BCL9: variants seen among roughly 807,000 people sequenced by gnomAD.
BCL9 encodes the protein BCL9 transcription coactivator, also known as B-cell CLL/lymphoma 9 protein.
Under a neutral mutation model 88.5 loss-of-function variants are expected in BCL9, and 25 were observed. That is an observed-to-expected ratio of 0.28 (90% confidence interval 0.21 to 0.39). The LOEUF (loss-of-function observed/expected upper bound fraction) is 0.39. Among genes scored for constraint, BCL9 ranks in the 10% least tolerant of loss-of-function variants. The pLI, the probability that BCL9 is intolerant of heterozygous loss-of-function variation, is 1.00. For synonymous variants in BCL9, 711 were observed against 673.3 expected (o/e 1.06, Z -0.87); for missense variants, 1,817 against 1,877.8 (o/e 0.97, Z 0.60).
chr1:147,584,657 G>A (rs782558799), intron 1 of BCL9, among the ~76,000 whole-genome samples: 1 of 152,164 alleles, frequency 6.6e-6, no homozygotes, highest in Non-Finnish European at 1.5e-5. Flanking sequence ...TACAGACCCT[G>A]GCTGGATTTT....
rs1243489086 is a variant in BCL9, at chr1:147,626,187, G to C, written c.*1228G>C. 5.2e-6 allele frequency: 1 copy of C among 193,426 alleles called. No homozygotes were observed. Among genetic ancestry groups the C allele is most frequent in the Non-Finnish European group, 1.1e-5 (1 of 92,568 alleles). 12.0% of individuals were successfully genotyped at this position (193,426 alleles called of 1,614,324 possible). The stretch of plus-strand genomic sequence containing the variant: ...ACCACTCGCCAGAGCTGTGGTGTCA[G>C]AAAAATAAAATATATTGTTTCTTAC... On this transcript the variant is annotated 3_prime_UTR_variant, in exon 10 of 10. Transcript: ENST00000234739.
chr1:147,551,783 A>G (rs1371189858), intron 1 of BCL9, among the ~76,000 whole-genome samples: 1 of 152,316 alleles, frequency 6.6e-6, no homozygotes, highest in African/African-American at 2.4e-5. Context: ...TGGACTTTCC[A>G]GACTCTAGCA....
chr1:147,598,832 G>A (rs1657169913), intron 1 of BCL9, among the ~76,000 whole-genome samples: 1 of 152,316 alleles, frequency 6.6e-6, no homozygotes, highest in South Asian at 2.1e-4. Context: ...AGGGTGCAGA[G>A]CAGACAGATC....
intron 1 of BCL9, among the ~76,000 whole-genome samples, chr1:147,576,078 T>C (rs1280030553): frequency 3.3e-5 from 5 of 152,196 alleles, no homozygotes; most frequent in Admixed American, 2.0e-4. Flanking sequence ...AGAAACAGGC[T>C]AGATCAGAAT....
At chr1:147,574,002 C>T (rs1264512513) in intron 1 of BCL9, among the ~76,000 whole-genome samples, 3 of 152,088 alleles carry the variant, frequency 2.0e-5, no homozygotes, top group Non-Finnish European at 4.4e-5. Context: ...TTGAGGGCTA[C>T]TATGTGCCAA....
intron 1 of BCL9, among the ~76,000 whole-genome samples, chr1:147,552,183 A>G (rs1419464549): frequency 2.6e-5 from 4 of 152,354 alleles, no homozygotes; most frequent in African/African-American, 9.6e-5. Context: ...GGAACACTTC[A>G]TGAAGGAGAT....
rs587663770 is a variant in BCL9 at position 147,593,695 on chromosome 1, C to A, written c.-477-11082C>A. Among the ~76,000 whole-genome samples the A allele has an allele frequency of 6.6e-5, 10 of 152,108 alleles. No homozygotes were observed. The South Asian group carries it at 2.1e-3, about 32-fold the overall frequency. ...TTTTTTTTCTTATTAATGAATGAGC[C>A]CTCCATACAAATTTGATTATACTTT... On this transcript the variant is annotated intron_variant, in intron 1 of 9. Transcript: ENST00000234739.
intron 1 of BCL9, among the ~76,000 whole-genome samples, chr1:147,569,673 G>GA (rs1411243049): frequency 1 from 152,025 of 152,040 alleles, 76,005 homozygotes; most frequent in African/African-American, 1. Flanking sequence ...AGAAAAAGAA[G>GA]AAAAAAGAAA....
chr1:147,587,047 T>C (rs1656642824), intron 1 of BCL9, among the ~76,000 whole-genome samples: 1 of 151,784 alleles, frequency 6.6e-6, no homozygotes, highest in South Asian at 2.1e-4. Context: ...TATATATGTA[T>C]ATACATATCT....
In BCL9 at chr1:147,622,352, T is replaced by C. The variant is rs782590319; in HGVS notation, c.2984T>C (p.Met995Thr). The change falls in exon 9 of 10, where the codon ATG (methionine) becomes ACG (threonine). Residue 995 changes from methionine to threonine, a missense_variant. Physicochemically the swap from Met to Thr is moderately conservative, Grantham distance 81. Coordinates refer to ENST00000234739, the MANE Select transcript of BCL9 (RefSeq NM_004326.4). ...CTTCCCTCTAGTACACCTTATACCATGCCTCCAGAGCCAACCCTTTCCCAG... is the reference window on the plus strand; with the variant it reads ...CTTCCCTCTAGTACACCTTATACCACGCCTCCAGAGCCAACCCTTTCCCAG... ...GSLPSSTPYT[M>T]PPEPTLSQNP... The C allele has an allele frequency of 6.8e-6, 11 of 1,614,072 alleles. No homozygotes were observed. The highest frequency in any genetic ancestry group is 1.1e-5 in the South Asian group (1 of 91,084).
At chr1:147,599,830 T>C (rs1422142311) in intron 1 of BCL9, among the ~76,000 whole-genome samples, 2 of 67,668 alleles carry the variant, frequency 3.0e-5, no homozygotes, top group African/African-American at 6.0e-5. Flanking sequence ...TGCGGGAAGC[T>C]GGGGGCGGGA....
At chr1:147,599,493 CG>C (rs1394244345) in intron 1 of BCL9, among the ~76,000 whole-genome samples, 28,180 of 146,222 alleles carry the variant, frequency 0.19, 3,647 homozygotes, top group East Asian at 0.35. Flanking sequence ...CCTGGCCCCC[CG>C]CCCCCCTCGG....
At chr1:147,576,174 C>T (rs1452644116) in intron 1 of BCL9, among the ~76,000 whole-genome samples, 1 of 152,092 alleles carries the variant, frequency 6.6e-6, no homozygotes, top group Non-Finnish European at 1.5e-5. Context: ...AGAACCTTAA[C>T]AAGAATTTTT....
chr1:147,595,691 T>A (rs144901201), intron 1 of BCL9, among the ~76,000 whole-genome samples: 13 of 151,678 alleles, frequency 8.6e-5, no homozygotes, highest in Middle Eastern at 3.4e-3. Context: ...CTACAAAAAA[T>A]AAATAAATAA....
At chr1:147,586,520 A>C (rs141932289) in intron 1 of BCL9, among the ~76,000 whole-genome samples, 225 of 152,218 alleles carry the variant, frequency 1.5e-3, no homozygotes, top group African/African-American at 4.7e-3. Flanking sequence ...TCGCCTACTA[A>C]GCCACTGAAC....
At chr1:147,602,652 T>C (rs1657455517) in intron 1 of BCL9, among the ~76,000 whole-genome samples, 1 of 152,178 alleles carries the variant, frequency 6.6e-6, no homozygotes, top group African/African-American at 2.4e-5. Context: ...AAGATGATAA[T>C]GGTTTCAAAA....
Position 147,619,438 on chromosome 1 carries a change from C to T in BCL9, c.1283C>T (p.Ala428Val). The T allele has an allele frequency of 6.2e-7, 1 of 1,614,144 alleles. No individual in the cohort carries two copies. The highest frequency in any genetic ancestry group is 8.5e-7 in the Non-Finnish European group (1 of 1,180,032). The change falls in exon 8 of 10, where the codon GCT (alanine) becomes GTT (valine). Residue 428 changes from alanine (A) to valine (V), a missense_variant. Coordinates refer to ENST00000234739, the MANE Select transcript of BCL9 (RefSeq NM_004326.4). The surrounding 1 kb of genome is among the most constrained non-coding windows in gnomAD (Gnocchi z 4.1). ...CCTGGGCCCCGGACAGACGTGGGAG[C>T]TCCATTTGGCCCTCAAGGACATAGA... ...KGPGPRTDVG[A>V]PFGPQGHRDV...
chr1:147,542,165 C>T (rs1488071547), intron 1 of BCL9, among the ~76,000 whole-genome samples: 1 of 152,052 alleles, frequency 6.6e-6, no homozygotes, highest in African/African-American at 2.4e-5. Context: ...TCTGTGTGTG[C>T]GTGTGGACTT....
chr1:147,573,260 G>A (rs1366791177), intron 1 of BCL9, among the ~76,000 whole-genome samples: 1 of 152,148 alleles, frequency 6.6e-6, no homozygotes, highest in Non-Finnish European at 1.5e-5. Context: ...AGACCAGCCC[G>A]ACTAACATGG....
Sources: gnomAD v4.1 joint callset for allele counts (sites outside exome capture counted in the v4.1 genomes callset) on GRCh38, gnomAD v4.1.1 for gene constraint, Gnocchi (gnomAD v3.1) non-coding constraint, MANE v1.5 for transcripts, NCBI Gene and HGNC (gene_info 2026-07-23, HGNC 2026-07-21) for gene names.